Variants in SEMA3E observed in about 807,000 individuals in gnomAD.
The protein encoded by SEMA3E is semaphorin-3E.
A neutral mutation model predicts 93.6 loss-of-function variants in SEMA3E; 49 were observed. The observed-to-expected ratio is 0.52, with a 90% CI of 0.42 to 0.66. The LOEUF (loss-of-function observed/expected upper bound fraction) is 0.66, where lower values mean the gene tolerates loss of function less well. Ranked by LOEUF, SEMA3E falls within the 30% of genes least tolerant of loss-of-function variation. The pLI is 0.00. For missense variants in SEMA3E, 906 were observed against 964.8 expected (o/e 0.94, Z 0.81); for synonymous variants, 363 against 330.7 (o/e 1.10, Z -1.06).
chr7:83,479,001 C>A (rs1044448632), intron 2 of SEMA3E, among the ~76,000 whole-genome samples: 1 of 152,266 alleles, frequency 6.6e-6, no homozygotes, highest in Non-Finnish European at 1.5e-5. Flanking sequence ...TATTTATGCC[C>A]ATATTGAGAA....
chr7:83,431,530 C>T (rs1195745167), intron 4 of SEMA3E, among the ~76,000 whole-genome samples: 4 of 152,088 alleles, frequency 2.6e-5, no homozygotes, highest in East Asian at 1.9e-4. Context: ...CTCAGCCTCT[C>T]GTCACTAGGA....
At chr7:83,428,527 AC>A (rs1300427184) in intron 4 of SEMA3E, among the ~76,000 whole-genome samples, 1 of 152,202 alleles carries the variant, frequency 6.6e-6, no homozygotes, top group Non-Finnish European at 1.5e-5. Context: ...AATAATAGCT[AC>A]ATGATAATGT....
intron 16 of SEMA3E, 124 bp downstream of exon 16, chr7:83,385,168 CTT>C (rs1463744742): frequency 6.4e-5 from 57 of 886,012 alleles, no homozygotes; most frequent in Non-Finnish European, 8.3e-5. Flanking sequence ...ATAAAACTGA[CTT>C]ATTAAATAAG....
chr7:83,381,101 T>C (rs926608295), intron 16 of SEMA3E, among the ~76,000 whole-genome samples: 1 of 151,990 alleles, frequency 6.6e-6, no homozygotes, highest in Non-Finnish European at 1.5e-5. Flanking sequence ...ACTATAATCT[T>C]AATACAATAA....
chr7:83,500,160 G>A (rs369754060), intron 1 of SEMA3E, among the ~76,000 whole-genome samples: 7 of 152,294 alleles, frequency 4.6e-5, no homozygotes, highest in African/African-American at 9.6e-5. Context: ...AAAAGAGGCC[G>A]GGCGTGGCGG....
chr7:83,578,918 TA>T (rs1459524245), intron 1 of SEMA3E, among the ~76,000 whole-genome samples: 2 of 152,006 alleles, frequency 1.3e-5, no homozygotes, highest in African/African-American at 4.8e-5. Flanking sequence ...CTTTGAATAA[TA>T]AAAATTACAG....
At chr7:83,399,031 G>T (rs1026921424) in intron 11 of SEMA3E, among the ~76,000 whole-genome samples, 1 of 152,042 alleles carries the variant, frequency 6.6e-6, no homozygotes, top group Non-Finnish European at 1.5e-5. Context: ...AGAAGCCCAA[G>T]CACCAATATT....
At chr7:83,599,587 T>C (rs1415270747) in intron 1 of SEMA3E, among the ~76,000 whole-genome samples, 10 of 152,206 alleles carry the variant, frequency 6.6e-5, no homozygotes, top group African/African-American at 9.6e-5. Flanking sequence ...ATGAATACAA[T>C]GGAAATGAGT....
chr7:83,468,076 G>A (rs935763121), intron 3 of SEMA3E, among the ~76,000 whole-genome samples: 8 of 152,096 alleles, frequency 5.3e-5, no homozygotes, highest in East Asian at 1.9e-4. Flanking sequence ...TTACTGTCAC[G>A]TTTTATAAGG....
intron 16 of SEMA3E, among the ~76,000 whole-genome samples, chr7:83,380,177 T>A (rs1174064174): frequency 6.6e-6 from 1 of 151,152 alleles, no homozygotes; most frequent in Non-Finnish European, 1.5e-5. Flanking sequence ...CATGTGAATA[T>A]TTTGTGATTG....
chr7:83,588,409 A>G (rs1329491835), intron 1 of SEMA3E, among the ~76,000 whole-genome samples: 1 of 152,116 alleles, frequency 6.6e-6, no homozygotes, highest in Non-Finnish European at 1.5e-5. Flanking sequence ...GAAGAATTGT[A>G]AAAATCTCTG....
At chr7:83,416,805 A>C (rs2713150) in intron 5 of SEMA3E, among the ~76,000 whole-genome samples, 80,954 of 151,654 alleles carry the variant, frequency 0.53, 23,409 homozygotes, top group East Asian at 0.84. Context: ...ATGGTGTGAG[A>C]CTATGAGATA....
intron 9 of SEMA3E, among the ~76,000 whole-genome samples, 162 bp from the exon 10 acceptor site, chr7:83,402,938 C>T (rs1300160726): frequency 2.0e-5 from 3 of 151,852 alleles, no homozygotes; most frequent in Non-Finnish European, 2.9e-5. Context: ...GCAATATTTC[C>T]AATTTTGAAA....
intron 4 of SEMA3E, among the ~76,000 whole-genome samples, chr7:83,446,337 A>C (rs1417451453): frequency 6.6e-6 from 1 of 152,230 alleles, no homozygotes; most frequent in Admixed American, 6.5e-5. Flanking sequence ...ATTGTCTCTA[A>C]TGATATTCAG....
intron 1 of SEMA3E, among the ~76,000 whole-genome samples, chr7:83,521,077 C>T (rs927746392): frequency 2.0e-5 from 3 of 150,550 alleles, no homozygotes; most frequent in African/African-American, 4.9e-5. Flanking sequence ...AGGACCTCAA[C>T]TTTTAAGATT....
At chr7:83,500,300 G>A (rs541035426) in intron 1 of SEMA3E, among the ~76,000 whole-genome samples, 15 of 152,198 alleles carry the variant, frequency 9.9e-5, no homozygotes, top group Admixed American at 2.6e-4. Flanking sequence ...GCCAGGGATC[G>A]TGGCAGGCAC....
chr7:83,432,939 A>T (rs548171554), intron 4 of SEMA3E, among the ~76,000 whole-genome samples: 1 of 152,304 alleles, frequency 6.6e-6, no homozygotes, highest in Non-Finnish European at 1.5e-5. Context: ...CCAAGAAAAC[A>T]ATAATATATT....
At chr7:83,565,376 C>T (rs1489767845) in intron 1 of SEMA3E, among the ~76,000 whole-genome samples, 9 of 152,178 alleles carry the variant, frequency 5.9e-5, no homozygotes, top group African/African-American at 1.9e-4. Flanking sequence ...GGGAACAACA[C>T]ACACCAGGGC....
intron 1 of SEMA3E, among the ~76,000 whole-genome samples, chr7:83,529,017 T>C (rs1208110961): frequency 6.6e-6 from 1 of 152,132 alleles, no homozygotes; most frequent in East Asian, 1.9e-4. Context: ...TAAAAGAGTA[T>C]TCAAGTTGCC....
Sources: allele counts gnomAD v4.1 joint callset (sites outside exome capture counted in the v4.1 genomes callset), GRCh38; gene constraint gnomAD v4.1.1; transcripts MANE v1.5; gene names NCBI Gene and HGNC (gene_info 2026-07-23, HGNC 2026-07-21).